SPATA21: variants seen among roughly 807,000 people sequenced by gnomAD.
SPATA21 encodes spermatogenesis associated 21.
SPATA21 carries 47 observed loss-of-function variants against 54.8 expected under a neutral mutation model. The observed-to-expected ratio is 0.86, with a 90% CI of 0.68 to 1.09. SPATA21 has a LOEUF of 1.09. Ranked by LOEUF, SPATA21 falls within the 50% of genes least tolerant of loss-of-function variation. SPATA21 has a pLI of 0.00. For missense variants in SPATA21, 599 were observed against 596.4 expected, an observed-to-expected ratio of 1.00 and a Z score of -0.05; for synonymous variants, 245 against 235.3, an observed-to-expected ratio of 1.04 and a Z score of -0.38.
intron 3 of SPATA21, chr1:16,427,941 C>T: frequency 6.5e-7 from 1 of 1,550,332 alleles, no homozygotes; most frequent in Non-Finnish European, 8.7e-7. Context: ...TGAGTCTGGG[C>T]CCCTTCTCTG....
chr1:16,409,211 G>T lies in SPATA21; in HGVS notation c.588-8C>A, dbSNP rs756870503. 6.2e-7 allele frequency: 1 copy of T among 1,614,022 alleles called. No individual in the cohort carries two copies. Among genetic ancestry groups the T allele is most frequent in the South Asian group, 1.1e-5 (1 of 91,074 alleles). ...TGCTCTTCCGGCTCCTGCCTGCAGA[G>T]GACAGAACCCCGACCCAGGGCAACA... On this transcript the variant is annotated splice_polypyrimidine_tract_variant and splice_region_variant and intron_variant, in intron 6 of 12. Coordinates refer to ENST00000335496, the MANE Select transcript of SPATA21 (RefSeq NM_198546.1). This position sits in a 1 kb window ranked among gnomAD's most constrained non-coding sequence, Gnocchi z 4.1.
intron 2 of SPATA21, among the ~76,000 whole-genome samples, chr1:16,432,107 T>C (rs1335425472): frequency 7.3e-6 from 1 of 136,674 alleles, no homozygotes; most frequent in African/African-American, 2.7e-5. Flanking sequence ...TTCTTCTTCT[T>C]CTTCTTCTTT....
At position 16,404,961 on chromosome 1, in the gene SPATA21, A is replaced by C. The variant is rs1319927187; in HGVS notation, c.811+6T>G. On this transcript the variant is annotated splice_donor_region_variant and intron_variant, in intron 8 of 12. Transcript: ENST00000335496. ...GGGATGCAGAGTGGAGCCCTCTGCC[A>C]CTCACCATTGACATCAGCACTCATC... 8 of 1,563,988 alleles carry C rather than the reference A, an allele frequency of 5.1e-6. No individual in the cohort carries two copies. The highest frequency in any genetic ancestry group is 6.9e-6 in the Non-Finnish European group (8 of 1,160,750).
chr1:16,408,476 G>A, intron 7 of SPATA21: 1 of 985,474 alleles, frequency 1.0e-6, no homozygotes, highest in Non-Finnish European at 1.2e-6. Flanking sequence ...TGGGTTAAGG[G>A]AAGAAGAAAC....
At chr1:16,430,596 T>G (rs2086434960) in intron 3 of SPATA21, among the ~76,000 whole-genome samples, 1 of 152,174 alleles carries the variant, frequency 6.6e-6, no homozygotes, top group African/African-American at 2.4e-5. Context: ...GAGGGGAGTT[T>G]GGAGGCCATG....
chr1:16,397,979 G>A (rs2085341073), downstream of SPATA21: 1 of 748,992 alleles, frequency 1.3e-6, no homozygotes, highest in African/African-American at 1.9e-5. This position sits in a 1 kb window ranked among gnomAD's most constrained non-coding sequence, Gnocchi z 5.4. Context: ...GGCCCCTTGG[G>A]TGTCTGAACA....
intron 9 of SPATA21, 50 bp downstream of exon 9, chr1:16,403,918 C>A: frequency 6.2e-7 from 1 of 1,612,432 alleles, no homozygotes; most frequent in Admixed American, 1.7e-5. Context: ...CGCAACCAAC[C>A]TCCCAGCCCC....
rs149531258 is a variant in SPATA21, at chr1:16,409,989, G to A, written c.199C>T (p.Gln67Ter). ...GTCCCTGCAGCCACCGCGGGCTTCT[G>A]AGGCTGCTGCTGCGCACGGTCTGGC... ...REPDRAQQQP[Q>*]KPAVAAGTQS... The change falls in exon 6 of 13, where the codon CAG becomes TAG. Residue 67 changes from glutamine to a stop codon, truncating the protein, a stop_gained. Coordinates refer to ENST00000335496, the MANE Select transcript of SPATA21 (RefSeq NM_198546.1). LOFTEE classifies it high-confidence loss of function. This position sits in a 1 kb window ranked among gnomAD's most constrained non-coding sequence, Gnocchi z 4.1. The A allele has an allele frequency of 6.2e-7, 1 of 1,601,848 alleles. No homozygotes were observed. Among genetic ancestry groups the A allele is most frequent in the East Asian group, 2.2e-5 (1 of 44,872 alleles).
chr1:16,408,921 A>G (rs1480332155), intron 7 of SPATA21, among the ~76,000 whole-genome samples, 197 bp downstream of exon 7: 2 of 147,398 alleles, frequency 1.4e-5, no homozygotes, highest in Non-Finnish European at 3.0e-5. Context: ...CCCCCAACCC[A>G]GCAGCTTTGT....
chr1:16,406,623 T>C (rs184471122), intron 7 of SPATA21, among the ~76,000 whole-genome samples: 5 of 152,232 alleles, frequency 3.3e-5, no homozygotes, highest in Admixed American at 2.6e-4. Context: ...ATGCCTGTAG[T>C]CCCAGCTACT....
At chr1:16,431,950 A>T (rs185514940) in intron 2 of SPATA21, among the ~76,000 whole-genome samples, 1 of 151,106 alleles carries the variant, frequency 6.6e-6, no homozygotes, top group African/African-American at 2.4e-5. Flanking sequence ...ATAGATGAAA[A>T]CTCCATGTTC....
downstream of SPATA21, chr1:16,397,798 A>G (rs2085337365): frequency 3.5e-5 from 6 of 169,170 alleles, no homozygotes; most frequent in South Asian, 1.2e-3. This position sits in a 1 kb window ranked among gnomAD's most constrained non-coding sequence, Gnocchi z 5.4. Context: ...TCCAGAGCCC[A>G]TCTGCCCCGC....
Position 16,431,420 on chromosome 1 carries a change from C to G in SPATA21, c.-49G>C, listed in dbSNP as rs1191871964. 1 of 1,610,504 alleles carries G rather than the reference C, an allele frequency of 6.2e-7. No individual in the cohort carries two copies. Among genetic ancestry groups the G allele is most frequent in the Admixed American group, 1.7e-5 (1 of 59,644 alleles). ...CAAGTGAGGGGCATCACCTAGTGTGCTCCTACAGGAGAAATCCAATCAAGC... is the reference window on the plus strand; with the variant it reads ...CAAGTGAGGGGCATCACCTAGTGTGGTCCTACAGGAGAAATCCAATCAAGC... On this transcript the variant is annotated splice_region_variant and 5_prime_UTR_variant, in exon 3 of 13. Coordinates refer to ENST00000335496, the MANE Select transcript of SPATA21 (RefSeq NM_198546.1).
At chr1:16,402,913 G>A (rs989571079) in intron 10 of SPATA21, among the ~76,000 whole-genome samples, 3 of 152,122 alleles carry the variant, frequency 2.0e-5, no homozygotes, top group Admixed American at 1.3e-4. Context: ...GCGACAGAGC[G>A]AGACCCGGCC....
chr1:16,405,500 A>G (rs2085606522), intron 7 of SPATA21, among the ~76,000 whole-genome samples: 1 of 147,648 alleles, frequency 6.8e-6, no homozygotes, highest in Middle Eastern at 3.4e-3. Flanking sequence ...AATGAAAAAA[A>G]AAAAAAAAAA....
downstream of SPATA21, chr1:16,396,067 A>T (rs953314842): frequency 6.5e-6 from 1 of 152,712 alleles, no homozygotes; most frequent in Non-Finnish European, 1.5e-5. Flanking sequence ...AGAAGAAAGC[A>T]GAGTGCCAGG....
At chr1:16,425,182 A>C (rs892836544) in intron 3 of SPATA21, 5 of 482,856 alleles carry the variant, frequency 1.0e-5, no homozygotes, top group African/African-American at 5.9e-5. Flanking sequence ...AAGTGCTGGG[A>C]TTAACAGGCG....
downstream of SPATA21, chr1:16,397,307 T>C (rs1419564388): frequency 6.6e-6 from 1 of 152,280 alleles, no homozygotes; most frequent in Non-Finnish European, 1.5e-5. This position sits in a 1 kb window ranked among gnomAD's most constrained non-coding sequence, Gnocchi z 5.4. Flanking sequence ...TGCCCTGGGC[T>C]TCCCAAATGG....
chr1:16,424,255 G>A (rs1273260433), intron 3 of SPATA21, among the ~76,000 whole-genome samples: 4 of 124,446 alleles, frequency 3.2e-5, no homozygotes, highest in African/African-American at 9.4e-5. Flanking sequence ...AGAGCTTGCA[G>A]TGAGCCGAGA....
Sources: gnomAD v4.1 joint callset for allele counts (sites outside exome capture counted in the v4.1 genomes callset) on GRCh38, gnomAD v4.1.1 for gene constraint, Gnocchi (gnomAD v3.1) non-coding constraint, MANE v1.5 for transcripts, NCBI Gene and HGNC (gene_info 2026-07-23, HGNC 2026-07-21) for gene names.